CARHSP1: variants seen among roughly 807,000 people sequenced by gnomAD.
CARHSP1 encodes calcium regulated heat stable protein 1.
In CARHSP1, 14 loss-of-function variants were observed where a neutral mutation model predicts 12.5. The observed-to-expected ratio is 1.12, with a 90% CI of 0.74 to 1.75. The LOEUF (loss-of-function observed/expected upper bound fraction) is 1.75, where lower values mean the gene tolerates loss of function less well. Among genes scored for constraint, CARHSP1 ranks in the 40% most tolerant of loss-of-function variants. The pLI is 0.00. For missense variants in CARHSP1, 343 were observed against 201.6 expected (o/e 1.70, Z -4.25); for synonymous variants, 161 against 82.0 (o/e 1.96, Z -5.20).
chr16:8,866,532 C>A (rs779379259), intron 1 of CARHSP1: 2 of 931,646 alleles, frequency 2.1e-6, no homozygotes, highest in South Asian at 5.0e-5. Flanking sequence ...GCACGTGGGC[C>A]GAGAGGCGGG....
chr16:8,866,957 G>A (rs1002037693), intron 1 of CARHSP1, among the ~76,000 whole-genome samples: 3 of 152,150 alleles, frequency 2.0e-5, no homozygotes, highest in East Asian at 1.9e-4. Flanking sequence ...GGAAGAGGCC[G>A]GAAACCCGAG....
At chr16:8,857,263 G>GGTT (rs2061150044) in intron 3 of CARHSP1, among the ~76,000 whole-genome samples, 1 of 57,006 alleles carries the variant, frequency 1.8e-5, no homozygotes, top group Non-Finnish European at 3.7e-5. Context: ...GGGCAGATCT[G>GGTT]TTTTTTTTTT....
Position 8,859,202 on chromosome 16 carries a change from G to C in CARHSP1, c.127C>G (p.Leu43Val), listed in dbSNP as rs370691384. ...PLRGNVVPSP[L>V]PTRRTRTFSA... The stretch of plus-strand genomic sequence containing the variant: ...AAGGTCCTCGTCCGGCGAGTGGGCA[G>C]TGGGCTTGGGACCACGTTGCCCCGC... Residue 43 changes from leucine (L) to valine (V), a missense_variant, in exon 2 of 4, where the codon CTG becomes GTG. Coordinates refer to ENST00000311052, the MANE Select transcript of CARHSP1 (RefSeq NM_014316.4). 1.2e-6 allele frequency: 2 copies of C among 1,603,654 alleles called. No homozygotes were observed. Among genetic ancestry groups the C allele is most frequent in the Non-Finnish European group, 1.7e-6 (2 of 1,175,852 alleles).
In CARHSP1 at chr16:8,853,196, G is replaced by C. The variant is rs1330704776; in HGVS notation, c.*1968C>G. The C allele has an allele frequency of 1.3e-5, 2 of 152,098 alleles. No individual in the cohort carries two copies. Among genetic ancestry groups the C allele is most frequent in the Non-Finnish European group, 1.5e-5 (1 of 68,054 alleles). 9.4% of individuals were successfully genotyped at this position (152,098 alleles called of 1,614,324 possible). ...GGACAGAGTAAGAGCCGCTGACAAA[G>C]GATTCTGCCAAGACAGAATCCCAGG... On this transcript the variant is annotated 3_prime_UTR_variant, in exon 4 of 4. Transcript: ENST00000311052.
chr16:8,861,897 T>G, intron 1 of CARHSP1: 1 of 931,726 alleles, frequency 1.1e-6, no homozygotes, highest in Non-Finnish European at 1.4e-6. Context: ...ATGGGAGCAG[T>G]GGCCTCGCAA....
rs9953 is a variant in CARHSP1, at chr16:8,853,271, G to C, written c.*1893C>G. 1 of 151,724 alleles carries C rather than the reference G, an allele frequency of 6.6e-6. No homozygotes were observed. Among genetic ancestry groups the C allele is most frequent in the Admixed American group, 6.6e-5 (1 of 15,234 alleles). The allele number at this position is 151,724 out of a possible 1,614,324, so 9.4% of individuals were successfully genotyped here. On this transcript the variant is annotated 3_prime_UTR_variant, in exon 4 of 4. Transcript: ENST00000311052. ...GTGAAAGCCCTCTCGGGTCTTGGCT[G>C]TGGAAGTGTGGACTGTACCAGCAGA...
At chr16:8,859,652 T>C (rs2061281434) in intron 1 of CARHSP1, among the ~76,000 whole-genome samples, 1 of 151,902 alleles carries the variant, frequency 6.6e-6, no homozygotes, top group East Asian at 1.9e-4. Flanking sequence ...ACATAGTATT[T>C]GTGGGAGGGA....
intron 3 of CARHSP1, among the ~76,000 whole-genome samples, chr16:8,857,113 A>G (rs1400244403): frequency 2.6e-5 from 4 of 152,064 alleles, no homozygotes; most frequent in Admixed American, 2.6e-4. Context: ...TTGGCCAGAT[A>G]TAATGGGCAC....
Position 8,858,387 on chromosome 16 carries a change from C to G in CARHSP1, c.244G>C (p.Ala82Pro), listed in dbSNP as rs1355296868. ...RSKGHGFITP[A>P]DGGPDIFLHI... is the part of the protein sequence containing the mutation. ...AGGAAGATGTCGGGGCCGCCATCAG[C>G]TGGAGTAATGAAGCCATGGCCCTTG... Residue 82 changes from alanine to proline, a missense_variant, in exon 3 of 4, where the codon GCT becomes CCT. By Grantham distance (27) the Ala-to-Pro change is conservative. Coordinates refer to ENST00000311052, the MANE Select transcript of CARHSP1 (RefSeq NM_014316.4). 1 of 1,613,958 alleles carries G rather than the reference C, an allele frequency of 6.2e-7. No homozygotes were observed. Among genetic ancestry groups the G allele is most frequent in the Non-Finnish European group, 8.5e-7 (1 of 1,180,028 alleles).
intron 3 of CARHSP1, 86 bp downstream of exon 3, chr16:8,858,264 C>G (rs1319479522): frequency 1.3e-6 from 2 of 1,492,730 alleles, no homozygotes; most frequent in Non-Finnish European, 1.8e-6. Flanking sequence ...ACCCAGCGCC[C>G]ATCAGAGTCA....
intron 2 of CARHSP1, chr16:8,858,819 G>C (rs2061242941): frequency 2.4e-6 from 1 of 408,624 alleles, no homozygotes; most frequent in Non-Finnish European, 4.4e-6. Flanking sequence ...CATCTGCCAG[G>C]CATTATGTGG....
intron 1 of CARHSP1, 79 bp from the exon 2 acceptor site, chr16:8,859,414 C>T: frequency 1.5e-6 from 2 of 1,290,796 alleles, no homozygotes; most frequent in Non-Finnish European, 2.1e-6. Flanking sequence ...CCACGTCTGA[C>T]AGTCCAGTAT....
At chr16:8,866,974 A>T (rs2061465775) in intron 1 of CARHSP1, among the ~76,000 whole-genome samples, 1 of 152,124 alleles carries the variant, frequency 6.6e-6, no homozygotes, top group South Asian at 2.1e-4. Context: ...CGAGGAGTGT[A>T]CCGGGAACCC....
chr16:8,863,287 A>G (rs999020511), intron 1 of CARHSP1, among the ~76,000 whole-genome samples: 10 of 71,548 alleles, frequency 1.4e-4, no homozygotes, highest in African/African-American at 6.5e-4. Context: ...CAACCAGCTC[A>G]TTTTTTGTAG....
chr16:8,857,269 T>TGTTTTTTGTTTG (rs756868301), intron 3 of CARHSP1, among the ~76,000 whole-genome samples: 1 of 29,954 alleles, frequency 3.3e-5, no homozygotes, highest in Non-Finnish European at 6.3e-5. Flanking sequence ...ATCTGTTTTT[T>TGTTTTTTGTTTG]TTTTTTTTTT....
chr16:8,865,088 G>C (rs759141164), intron 1 of CARHSP1, among the ~76,000 whole-genome samples: 69 of 152,298 alleles, frequency 4.5e-4, no homozygotes, highest in Non-Finnish European at 8.1e-4. Context: ...TAGTAAGAGG[G>C]AGCTCATTGA....
intron 3 of CARHSP1, among the ~76,000 whole-genome samples, chr16:8,856,294 C>T (rs551324146): frequency 6.6e-6 from 1 of 152,094 alleles, no homozygotes; most frequent in African/African-American, 2.4e-5. Flanking sequence ...CCTTCAGATG[C>T]TAAATGCAAG....
chr16:8,857,948 G>A (rs1351676265), intron 3 of CARHSP1: 1 of 167,296 alleles, frequency 6.0e-6, no homozygotes, highest in Non-Finnish European at 1.3e-5. Flanking sequence ...TGTTTTTTTA[G>A]TAGAGACGGG....
chr16:8,865,248 T>A (rs971918313), intron 1 of CARHSP1, among the ~76,000 whole-genome samples: 1 of 152,134 alleles, frequency 6.6e-6, no homozygotes, highest in Non-Finnish European at 1.5e-5. Flanking sequence ...TAGCTGGGAC[T>A]ACAGGCATGT....
Sources: allele counts gnomAD v4.1 joint callset (sites outside exome capture counted in the v4.1 genomes callset), GRCh38; gene constraint gnomAD v4.1.1; transcripts MANE v1.5; gene names NCBI Gene and HGNC (gene_info 2026-07-23, HGNC 2026-07-21).